CEP63: variants seen among roughly 807,000 people sequenced by gnomAD.
The protein encoded by CEP63 is centrosomal protein of 63 kDa.
In CEP63, 84 loss-of-function variants were observed where a neutral mutation model predicts 89.1. The ratio of observed to expected loss-of-function variants is 0.94; its 90% confidence interval spans 0.79 to 1.13. The LOEUF (loss-of-function observed/expected upper bound fraction) is 1.13. CEP63 is among the 50% of genes most tolerant of loss of function. The pLI, the probability that CEP63 is intolerant of heterozygous loss-of-function variation, is 0.00. For synonymous variants in CEP63, 267 were observed against 272.5 expected (o/e 0.98, Z 0.20); for missense variants, 838 against 813.3 (o/e 1.03, Z -0.37).
intron 6 of CEP63, among the ~76,000 whole-genome samples, chr3:134,541,028 C>T (rs928690253): frequency 4.6e-5 from 7 of 152,096 alleles, no homozygotes; most frequent in African/African-American, 1.7e-4. Flanking sequence ...GTGATCTGCC[C>T]ACCTTGGCCT....
At chr3:134,644,459 C>T in the CEP63 span, among the ~76,000 whole-genome samples, 1 of 152,180 alleles carries the variant, frequency 6.6e-6, no homozygotes, top group Non-Finnish European at 1.5e-5. Context: ...TGAAGCTGCC[C>T]TTGAACCTCT....
chr3:134,495,171 A>G (rs1422250254), intron 1 of CEP63, 125 bp from the exon 2 acceptor site: 11 of 729,756 alleles, frequency 1.5e-5, no homozygotes, highest in East Asian at 2.6e-5. Flanking sequence ...TTCTACAGTC[A>G]TCTTAAGAAG....
chr3:134,691,219 G>T, the CEP63 span, among the ~76,000 whole-genome samples: 10 of 151,656 alleles, frequency 6.6e-5, no homozygotes, highest in Non-Finnish European at 1.2e-4. Flanking sequence ...TTAGCTGGGT[G>T]TCGTGCTGTA....
At chr3:134,575,325 T>C (rs554742684), downstream of CEP63, among the ~76,000 whole-genome samples, 1 of 128,600 alleles carries the variant, frequency 7.8e-6, no homozygotes, top group Non-Finnish European at 1.7e-5. Context: ...TTTCTTTCTT[T>C]CTTTGGAGAC....
chr3:134,754,917 G>A, the CEP63 span, among the ~76,000 whole-genome samples: 1 of 152,046 alleles, frequency 6.6e-6, no homozygotes, highest in Admixed American at 6.5e-5. Flanking sequence ...ACATTTGGGG[G>A]TCTCATGGAC....
chr3:134,696,345 G>T, the CEP63 span, among the ~76,000 whole-genome samples: 3 of 152,186 alleles, frequency 2.0e-5, no homozygotes, highest in Non-Finnish European at 4.4e-5. Flanking sequence ...GGTGTCACCA[G>T]CAGGGAGTGC....
At chr3:134,781,289 TG>T in the CEP63 span, among the ~76,000 whole-genome samples, 23,642 of 152,186 alleles carry the variant, frequency 0.16, 3,362 homozygotes, top group African/African-American at 0.37. Context: ...TAGGAAAAAT[TG>T]GGGATAATAG....
the CEP63 span, among the ~76,000 whole-genome samples, chr3:134,664,185 G>C: frequency 1.3e-5 from 2 of 152,146 alleles, no homozygotes; most frequent in African/African-American, 4.8e-5. Flanking sequence ...GCCCCTACTG[G>C]GTATTTTTAT....
chr3:134,739,657 TATG>T, the CEP63 span, among the ~76,000 whole-genome samples: 1 of 151,552 alleles, frequency 6.6e-6, no homozygotes, highest in East Asian at 1.9e-4. Flanking sequence ...TTATGTACAA[TATG>T]ATACCATGTA....
chr3:134,726,340 C>T, the CEP63 span, among the ~76,000 whole-genome samples: 1 of 152,066 alleles, frequency 6.6e-6, no homozygotes, highest in East Asian at 1.9e-4. Flanking sequence ...GGCTTTGGGT[C>T]GGGCTTGACA....
chr3:134,738,421 T>A, the CEP63 span, among the ~76,000 whole-genome samples: 2 of 152,182 alleles, frequency 1.3e-5, no homozygotes, highest in African/African-American at 4.8e-5. Context: ...TACCCAGTAG[T>A]GGGATTGCTG....
At chr3:134,546,463 A>G (rs536806788) in intron 8 of CEP63, among the ~76,000 whole-genome samples, 175 bp downstream of exon 8, 32 of 152,234 alleles carry the variant, frequency 2.1e-4, no homozygotes, top group African/African-American at 7.5e-4. Flanking sequence ...GGTTCAAGCC[A>G]TTCTCCAGGC....
In CEP63 at chr3:134,550,249, G is replaced by A; in HGVS notation, c.1369G>A (p.Val457Ile). ...GATGCAAAAGGCAGAAGACAAAGCA[G>A]TAGAGCATAAGGTGAAGCCTGAACA... ...AEMQKAEDKA[V>I]EHKEILDQLE... Residue 457 changes from valine (V) to isoleucine (I), a missense_variant, in exon 11 of 15, where the codon GTA (valine) becomes ATA (isoleucine). Coordinates refer to ENST00000675561, the MANE Select transcript of CEP63 (RefSeq NM_001353108.3). The A allele has an allele frequency of 6.2e-7, 1 of 1,614,136 alleles. No individual in the cohort carries two copies. Among genetic ancestry groups the A allele is most frequent in the African/African-American group, 1.3e-5 (1 of 75,082 alleles).
intron 1 of CEP63, chr3:134,486,414 G>T (rs1479952385): frequency 2.0e-6 from 2 of 985,364 alleles, no homozygotes; most frequent in East Asian, 2.3e-4. Context: ...CCGCCCCGAA[G>T]CCCAGTCCCT....
At chr3:134,741,813 C>T in the CEP63 span, among the ~76,000 whole-genome samples, 1 of 152,156 alleles carries the variant, frequency 6.6e-6, no homozygotes, top group African/African-American at 2.4e-5. Flanking sequence ...TGTTTGCTCC[C>T]TTCTGCAGTG....
the CEP63 span, chr3:134,651,142 G>T: frequency 6.8e-7 from 1 of 1,467,262 alleles, no homozygotes. Flanking sequence ...CGCCATTAGG[G>T]CCCGCCTGGG....
At chr3:134,517,862 T>G (rs1480613804) in intron 3 of CEP63, among the ~76,000 whole-genome samples, 1 of 152,128 alleles carries the variant, frequency 6.6e-6, no homozygotes, top group African/African-American at 2.4e-5. Flanking sequence ...GGGCTGAAAA[T>G]CATTGAGGTA....
At chr3:134,486,520 A>C in intron 1 of CEP63, 1 of 985,682 alleles carries the variant, frequency 1.0e-6, no homozygotes, top group Non-Finnish European at 1.2e-6. Flanking sequence ...CCTTCCTCGG[A>C]GTCCAGGTGG....
the CEP63 span, among the ~76,000 whole-genome samples, chr3:134,711,668 A>G: frequency 6.6e-6 from 1 of 151,906 alleles, no homozygotes; most frequent in East Asian, 1.9e-4. Context: ...TTTCCTTCTT[A>G]TTTTGAAGGC....
Sources: gnomAD v4.1 joint callset for allele counts (sites outside exome capture counted in the v4.1 genomes callset) on GRCh38, gnomAD v4.1.1 for gene constraint, MANE v1.5 for transcripts, NCBI Gene and HGNC (gene_info 2026-07-23, HGNC 2026-07-21) for gene names.